Variants in SF3A1 observed in about 807,000 individuals in gnomAD.
SF3A1 encodes splicing factor 3a subunit 1, also known as SAP 114.
A neutral mutation model predicts 89.9 loss-of-function variants in SF3A1; 13 were observed. The observed-to-expected ratio is 0.14, with a 90% confidence interval of 0.09 to 0.23. SF3A1 has a LOEUF of 0.23. Ranked by LOEUF, SF3A1 falls within the 10% of genes least tolerant of loss-of-function variation. The pLI is 1.00. For synonymous variants in SF3A1, 405 were observed against 374.4 expected, an observed-to-expected ratio of 1.08 and a Z score of -0.94; for missense variants, 604 against 1,022.1, an observed-to-expected ratio of 0.59 and a Z score of 5.58.
rs1455773887 is a variant in SF3A1 at position 30,353,706 on chromosome 22, GAATTTC to G, written c.64-640_64-635del. Among the ~76,000 whole-genome samples, 3 of 152,150 alleles carry G rather than the reference GAATTTC, an allele frequency of 2.0e-5. No individual in the cohort carries two copies. In the East Asian group the frequency reaches 5.8e-4, roughly 29 times the overall value. ...AGTTGTAAGCCCTTTAAAGGGCTAG[GAATTTC>G]TTTTTCGGGGAGCTCGGCTCTTAAG... On this transcript the variant is annotated intron_variant, in intron 1 of 15. Coordinates refer to ENST00000215793, the MANE Select transcript of SF3A1 (RefSeq NM_005877.6).
Position 30,337,130 on chromosome 22 carries a change from G to T in SF3A1, c.2002C>A (p.Pro668Thr), listed in dbSNP as rs751877394. The T allele has an allele frequency of 3.1e-6, 5 of 1,613,814 alleles. No homozygotes were observed. The highest frequency in any genetic ancestry group is 4.2e-6 in the Non-Finnish European group (5 of 1,179,910). ...VAPVPAPAPM[P>T]PVHPPPPMED... Reference sequence around the variant, plus strand: ...ATGGGAGGTGGGGGATGCACAGGGGGCATTGGGGCTGGAGCTGGGACAGGT... The same window carrying T: ...ATGGGAGGTGGGGGATGCACAGGGGTCATTGGGGCTGGAGCTGGGACAGGT... The change falls in exon 13 of 16, where the codon CCC becomes ACC. Residue 668 changes from proline (P) to threonine (T), a missense_variant. Coordinates refer to ENST00000215793, the MANE Select transcript of SF3A1 (RefSeq NM_005877.6).
Position 30,338,284 on chromosome 22 carries a change from C to A in SF3A1, c.1744-387G>T, listed in dbSNP as rs755077070. Among the ~76,000 whole-genome samples, 69 of 152,056 alleles carry A rather than the reference C, an allele frequency of 4.5e-4. 2 individuals carry two copies. The highest frequency in any genetic ancestry group is 4.5e-3 in the Admixed American group (69 of 15,268). On this transcript the variant is annotated intron_variant, in intron 11 of 15. Transcript: ENST00000215793. The stretch of plus-strand genomic sequence containing the variant: ...GACCAGCCTGACCAACACGGAGAAA[C>A]CTCATCTCTACTAAAAATACAAAAT...
intron 2 of SF3A1, among the ~76,000 whole-genome samples, chr22:30,348,665 C>CA (rs1255785153): frequency 1.3e-5 from 2 of 152,118 alleles, no homozygotes; most frequent in Non-Finnish European, 2.9e-5. Context: ...CTCAATTTGA[C>CA]AGTATATTAG....
intron 2 of SF3A1, among the ~76,000 whole-genome samples, chr22:30,348,418 G>C (rs1053432489): frequency 1.3e-5 from 2 of 152,182 alleles, no homozygotes; most frequent in Non-Finnish European, 2.9e-5. Flanking sequence ...TGAGGCGAGA[G>C]GATCACTTGA....
chr22:30,338,699 C>G (rs970012598), intron 11 of SF3A1, 90 bp downstream of exon 11: 3 of 1,558,742 alleles, frequency 1.9e-6, no homozygotes, highest in Non-Finnish European at 2.6e-6. Context: ...TCAGGCCCCA[C>G]TAAAAGGCAG....
chr22:30,347,150 A>AACTGGGCATGG (rs1262383098), intron 2 of SF3A1, among the ~76,000 whole-genome samples: 5 of 152,188 alleles, frequency 3.3e-5, no homozygotes, highest in African/African-American at 1.2e-4. Flanking sequence ...AAAATAAATT[A>AACTGGGCATGG]ACTGGGCATG....
intron 1 of SF3A1, among the ~76,000 whole-genome samples, chr22:30,354,460 T>C (rs1037301705): frequency 1.3e-5 from 2 of 152,146 alleles, no homozygotes; most frequent in South Asian, 4.1e-4. Context: ...TCCATTCAAG[T>C]TTCCTTCCTG....
intron 4 of SF3A1, among the ~76,000 whole-genome samples, chr22:30,343,165 G>A (rs1931315768): frequency 6.6e-6 from 1 of 152,176 alleles, no homozygotes. Context: ...CGATTACCCA[G>A]AACACGGTCA....
chr22:30,334,712 G>A lies in SF3A1; in HGVS notation c.2281-17C>T, dbSNP rs138427988. ...GAAGATACCCTGGAAAACAGACAGC[G>A]TGCCTTAGCATGGGGCAACCCAGCC... On this transcript the variant is annotated splice_polypyrimidine_tract_variant and intron_variant, in intron 15 of 15. Transcript: ENST00000215793. 409 of 1,581,930 alleles carry A rather than the reference G, an allele frequency of 2.6e-4. 2 individuals carry two copies. The African/African-American group carries it at 4.8e-3, about 19-fold the overall frequency.
intron 7 of SF3A1, among the ~76,000 whole-genome samples, 189 bp from the exon 8 acceptor site, chr22:30,341,001 T>C (rs1231038028): frequency 2.0e-5 from 3 of 150,884 alleles, no homozygotes; most frequent in Non-Finnish European, 4.4e-5. Context: ...TGAATGGGAG[T>C]GCTGAGGCCA....
intron 1 of SF3A1, among the ~76,000 whole-genome samples, chr22:30,354,092 C>G (rs1252101836): frequency 2.0e-5 from 3 of 152,224 alleles, no homozygotes; most frequent in Admixed American, 6.5e-5. Flanking sequence ...CTGGAAGGCT[C>G]AGCACTAACG....
intron 13 of SF3A1, among the ~76,000 whole-genome samples, chr22:30,336,246 C>T (rs901121238): frequency 2.6e-5 from 4 of 152,154 alleles, no homozygotes; most frequent in African/African-American, 9.7e-5. Context: ...AGAGCGGGTG[C>T]AGTGGCTCAC....
chr22:30,335,771 G>T lies in SF3A1; in HGVS notation c.2107-18C>A. ...ACTGGACCCTACAAAACAGGAGGTG[G>T]TCATTATGCCTAGGGAGCTCGGAGC... On this transcript the variant is annotated intron_variant, in intron 13 of 15. Transcript: ENST00000215793. 1 of 1,600,120 alleles carries T rather than the reference G, an allele frequency of 6.2e-7. No homozygotes were observed. Among genetic ancestry groups the T allele is most frequent in the Non-Finnish European group, 8.6e-7 (1 of 1,167,272 alleles).
intron 4 of SF3A1, among the ~76,000 whole-genome samples, chr22:30,343,514 C>A (rs56206418): frequency 0.046 from 6,954 of 152,330 alleles, 236 homozygotes; most frequent in Middle Eastern, 0.071. Flanking sequence ...TCTACTGCCA[C>A]TGGCAAAGTG....
intron 7 of SF3A1, among the ~76,000 whole-genome samples, chr22:30,341,209 T>C (rs796433859): frequency 2.3e-4 from 35 of 152,276 alleles, no homozygotes; most frequent in African/African-American, 7.7e-4. Context: ...ACAGGGGCCC[T>C]TTCTTCTCAG....
intron 3 of SF3A1, among the ~76,000 whole-genome samples, chr22:30,345,819 A>G (rs1334360844): frequency 6.6e-6 from 1 of 152,160 alleles, no homozygotes; most frequent in Non-Finnish European, 1.5e-5. Context: ...CATAATCCTA[A>G]TAGTCCCTAG....
At position 30,346,390 on chromosome 22, in the gene SF3A1, C is replaced by T. The variant is rs750383935; in HGVS notation, c.315G>A (p.Lys105=). 1 of 1,614,072 alleles carries T rather than the reference C, an allele frequency of 6.2e-7. No homozygotes were observed. Among genetic ancestry groups the T allele is most frequent in the Admixed American group, 1.7e-5 (1 of 60,016 alleles). ...GGATGGCGGCGGACGGCTCCTGAGCCTTCCCTTCCTTGAACTCGCTGACCT... is the reference window on the plus strand; with the variant it reads ...GGATGGCGGCGGACGGCTCCTGAGCTTTCCCTTCCTTGAACTCGCTGACCT... ...RHKVSEFKEG[K]AQEPSAAIPK... The change falls in exon 3 of 16, where the codon AAG becomes AAA. Residue 105 remains lysine (K), a synonymous_variant. Coordinates refer to ENST00000215793, the MANE Select transcript of SF3A1 (RefSeq NM_005877.6).
Position 30,346,320 on chromosome 22 carries a change from G to T in SF3A1, c.385C>A (p.Pro129Thr), listed in dbSNP as rs747465183. ...GGCACTGGGCTCCAAACCTTCTGGG[G>T]CAGCTGCTGCTGGGTGGTCTGCTGC... ...QQQQTTQQQL[P>T]QKVQAQVIQE... is the part of the protein sequence containing the mutation. The change falls in exon 3 of 16, where the codon CCC becomes ACC. Residue 129 changes from proline (P) to threonine (T), a missense_variant. By Grantham distance (38) the Pro-to-Thr change is conservative. Around this residue, in one of 9 missense-constraint regions of SF3A1, gnomAD observed 162 missense variants for 229.2 expected, o/e 0.71. Transcript: ENST00000215793. 6.2e-7 allele frequency: 1 copy of T among 1,610,828 alleles called. No homozygotes were observed. The highest frequency in any genetic ancestry group is 8.5e-7 in the Non-Finnish European group (1 of 1,177,144).
chr22:30,335,893 C>G lies in SF3A1; in HGVS notation c.2107-140G>C, dbSNP rs558674957. The G allele has an allele frequency of 8.5e-6, 6 of 705,180 alleles. No homozygotes were observed. In the Admixed American group the frequency reaches 1.1e-4, roughly 13 times the overall value. 43.7% of individuals were successfully genotyped at this position (705,180 alleles called of 1,614,324 possible). On this transcript the variant is annotated intron_variant, in intron 13 of 15. Transcript: ENST00000215793. ...TTCTGGCCTGATTCACCACTGATAA[C>G]CCCTTGTGAGGTTGTACAAGTCACC...
Sources: allele counts gnomAD v4.1 joint callset (sites outside exome capture counted in the v4.1 genomes callset), GRCh38; gene constraint gnomAD v4.1.1; regional missense constraint gnomAD v4.1.1; transcripts MANE v1.5; gene names NCBI Gene and HGNC (gene_info 2026-07-23, HGNC 2026-07-21).